The following SLC39A11 variants were observed in gnomAD, a reference collection of about 807,000 sequenced individuals.
SLC39A11 encodes the protein zinc transporter ZIP11.
SLC39A11 carries 33 observed loss-of-function variants against 36.1 expected under a neutral mutation model. The ratio of observed to expected loss-of-function variants is 0.91; its 90% CI spans 0.69 to 1.22. The LOEUF (loss-of-function observed/expected upper bound fraction) is 1.22. SLC39A11 is among the 50% of genes most tolerant of loss of function. The pLI is 0.00. For synonymous variants in SLC39A11, 166 were observed against 170.3 expected, an observed-to-expected ratio of 0.97 and a Z score of 0.20; for missense variants, 432 against 430.3, an observed-to-expected ratio of 1.00 and a Z score of -0.03.
chr17:72,921,911 T>G (rs555258861), intron 5 of SLC39A11, among the ~76,000 whole-genome samples: 1 of 152,352 alleles, frequency 6.6e-6, no homozygotes, highest in South Asian at 2.1e-4. Context: ...GCTTAGAAGC[T>G]ACAAATAACA....
chr17:72,778,204 C>T (rs2076199700), intron 6 of SLC39A11, among the ~76,000 whole-genome samples: 1 of 152,168 alleles, frequency 6.6e-6, no homozygotes, highest in Non-Finnish European at 1.5e-5. Context: ...CAGGCCTGGC[C>T]CATTGTCTCA....
chr17:72,780,918 C>T (rs992505776), intron 6 of SLC39A11, among the ~76,000 whole-genome samples: 9 of 152,086 alleles, frequency 5.9e-5, no homozygotes, highest in African/African-American at 1.7e-4. Context: ...ACCCAGGAGG[C>T]GGAGGTTGTG....
intron 5 of SLC39A11, among the ~76,000 whole-genome samples, chr17:72,864,049 G>A (rs191945180): frequency 2.0e-3 from 299 of 152,032 alleles, no homozygotes; most frequent in Non-Finnish European, 2.6e-3. Context: ...AACCCAAGAC[G>A]CCTAGGTTCT....
intron 5 of SLC39A11, among the ~76,000 whole-genome samples, chr17:72,932,455 C>T (rs1388369059): frequency 6.6e-6 from 1 of 150,690 alleles, no homozygotes; most frequent in African/African-American, 2.5e-5. Flanking sequence ...CCCCCACCCC[C>T]CACAGGCCCC....
intron 6 of SLC39A11, among the ~76,000 whole-genome samples, chr17:72,783,282 C>T (rs2076389314): frequency 6.6e-6 from 1 of 152,168 alleles, no homozygotes; most frequent in Admixed American, 6.6e-5. Flanking sequence ...TGTCTAGAGC[C>T]ACCCAGTGTA....
At chr17:72,878,255 G>T (rs2081022174) in intron 5 of SLC39A11, among the ~76,000 whole-genome samples, 1 of 152,092 alleles carries the variant, frequency 6.6e-6, no homozygotes, top group Admixed American at 6.5e-5. Context: ...TCCGTCCCTA[G>T]AGGGACCTTG....
intron 5 of SLC39A11, among the ~76,000 whole-genome samples, chr17:72,853,186 T>G (rs572646916): frequency 5.8e-5 from 8 of 138,046 alleles, no homozygotes; most frequent in African/African-American, 2.2e-4. Flanking sequence ...AGCTAACTTT[T>G]GTATTTTTTT....
intron 7 of SLC39A11, among the ~76,000 whole-genome samples, chr17:72,733,956 ACCT>A (rs2074327756): frequency 6.6e-6 from 1 of 152,092 alleles, no homozygotes; most frequent in African/African-American, 2.4e-5. Context: ...GCAGCCCTTG[ACCT>A]CCTTGTGTCA....
chr17:72,693,970 T>C (rs1034573730), intron 7 of SLC39A11, among the ~76,000 whole-genome samples: 1 of 151,956 alleles, frequency 6.6e-6, no homozygotes, highest in Non-Finnish European at 1.5e-5. Context: ...CCCCCAGCTC[T>C]TTATAGAAAA....
chr17:72,800,074 T>C (rs112093881), intron 6 of SLC39A11, among the ~76,000 whole-genome samples: 3,602 of 151,714 alleles, frequency 0.024, 126 homozygotes, highest in African/African-American at 0.081. Context: ...TTATGGAAAA[T>C]AGAAAGAACA....
At chr17:72,649,739 G>A (rs2069765040) in intron 7 of SLC39A11, among the ~76,000 whole-genome samples, 1 of 151,524 alleles carries the variant, frequency 6.6e-6, no homozygotes, top group Non-Finnish European at 1.5e-5. Context: ...CACCTCCCGG[G>A]TTCAAGTGAT....
chr17:72,943,185 G>T (rs537801203), intron 5 of SLC39A11, among the ~76,000 whole-genome samples: 1 of 152,182 alleles, frequency 6.6e-6, no homozygotes, highest in Non-Finnish European at 1.5e-5. Flanking sequence ...GACAAGCCCT[G>T]GGGTTGCTGA....
chr17:72,996,556 C>T (rs1267232569), intron 4 of SLC39A11, among the ~76,000 whole-genome samples: 3 of 152,132 alleles, frequency 2.0e-5, no homozygotes, highest in Admixed American at 6.5e-5. Flanking sequence ...CTCCTTGGCT[C>T]GTGGCAGCGT....
chr17:73,045,525 C>G lies in SLC39A11; in HGVS notation c.148-13811G>C, dbSNP rs2059257200. On this transcript the variant is annotated intron_variant, in intron 3 of 9. Transcript: ENST00000255559. ...CAACTACCATGAGTGAGATGCCCAG[C>G]TGGACTGGAGCTCCCATTGGCAATG... Among the ~76,000 whole-genome samples the G allele has an allele frequency of 3.3e-5, 5 of 151,810 alleles. No homozygotes were observed. The South Asian group carries it at 1.0e-3, about 31-fold the overall frequency.
rs567453430 is a variant in SLC39A11, at chr17:73,048,132, C to T, written c.148-16418G>A. On this transcript the variant is annotated intron_variant, in intron 3 of 9. Coordinates refer to ENST00000255559, the MANE Select transcript of SLC39A11 (RefSeq NM_139177.4). ...ACAGCTTTGTTACATGGGTATACTG[C>T]ACCCAGGTAGTGACCACAGCACCCA... Among the ~76,000 whole-genome samples, 9 of 151,152 alleles carry T rather than the reference C, an allele frequency of 6.0e-5. No individual in the cohort carries two copies. In the East Asian group the frequency reaches 1.6e-3, roughly 26 times the overall value.
intron 7 of SLC39A11, among the ~76,000 whole-genome samples, chr17:72,655,195 C>A (rs1306428790): frequency 6.6e-6 from 1 of 152,258 alleles, no homozygotes; most frequent in Non-Finnish European, 1.5e-5. Flanking sequence ...ATGCACAACA[C>A]TGCCTAACTG....
intron 6 of SLC39A11, among the ~76,000 whole-genome samples, chr17:72,834,438 A>G (rs984094722): frequency 6.6e-6 from 1 of 152,138 alleles, no homozygotes; most frequent in Middle Eastern, 3.2e-3. Context: ...CCTGGCCAAT[A>G]TGGTGAAACC....
rs769866438 is a variant in SLC39A11, at chr17:72,933,360, C to T, written c.430+14392G>A. ...CACTTAGAGGTATAAATCTAACCAA[C>T]GGTAGAGTATGTATGATGAAGACCA... On this transcript the variant is annotated intron_variant, in intron 5 of 9. Coordinates refer to ENST00000255559, the MANE Select transcript of SLC39A11 (RefSeq NM_139177.4). Among the ~76,000 whole-genome samples, 119 of 152,000 alleles carry T rather than the reference C, an allele frequency of 7.8e-4. 1 individual carries two copies. Among genetic ancestry groups the T allele is most frequent in the South Asian group, 6.2e-4 (3 of 4,822 alleles).
intron 5 of SLC39A11, among the ~76,000 whole-genome samples, chr17:72,898,680 T>G (rs913676120): frequency 3.9e-5 from 6 of 152,176 alleles, no homozygotes; most frequent in Non-Finnish European, 7.3e-5. Context: ...TGCACATACA[T>G]GTATACATGC....
Sources: allele counts gnomAD v4.1 joint callset (sites outside exome capture counted in the v4.1 genomes callset), GRCh38; gene constraint gnomAD v4.1.1; transcripts MANE v1.5; gene names NCBI Gene and HGNC (gene_info 2026-07-23, HGNC 2026-07-21).